Variants in BMP7 observed in about 807,000 individuals in gnomAD.
BMP7 encodes the protein osteogenic protein 1.
BMP7 carries 12 observed loss-of-function variants against 41.2 expected under a neutral mutation model. That is an observed-to-expected ratio of 0.29 (90% CI 0.19 to 0.47). The LOEUF (loss-of-function observed/expected upper bound fraction) is 0.47. BMP7 is among the 20% of genes least tolerant of loss of function. The pLI, the probability that BMP7 is intolerant of heterozygous loss-of-function variation, is 0.99. For missense variants in BMP7, 467 were observed against 606.0 expected, an observed-to-expected ratio of 0.77 and a Z score of 2.41; for synonymous variants, 248 against 250.0, an observed-to-expected ratio of 0.99 and a Z score of 0.07.
intron 2 of BMP7, among the ~76,000 whole-genome samples, chr20:57,221,860 C>T (rs1440569503): frequency 2.0e-5 from 3 of 150,324 alleles, no homozygotes; most frequent in Non-Finnish European, 3.0e-5. Context: ...ATAAGGGTGT[C>T]TCCATGGGGG....
intron 1 of BMP7, among the ~76,000 whole-genome samples, chr20:57,235,170 T>C (rs1386693888): frequency 6.6e-6 from 1 of 152,260 alleles, no homozygotes; most frequent in Non-Finnish European, 1.5e-5. Context: ...GCCTCACTCA[T>C]GTGGTTCTGT....
rs1983792868 is a variant in BMP7, at chr20:57,170,615, C to T, written c.*344G>A. 1 of 351,640 alleles carries T rather than the reference C, an allele frequency of 2.8e-6. No homozygotes were observed. Among genetic ancestry groups the T allele is most frequent in the South Asian group, 2.4e-5 (1 of 42,260 alleles). The allele number at this position is 351,640 out of a possible 1,614,324, so 21.8% of individuals were successfully genotyped here. ...CCCCCTTCCTCCCACGGCTGGGTGGCCTGGCTGGTAGGCGCTCATAATTAC... is the reference window on the plus strand; with the variant it reads ...CCCCCTTCCTCCCACGGCTGGGTGGTCTGGCTGGTAGGCGCTCATAATTAC... On this transcript the variant is annotated 3_prime_UTR_variant, in exon 7 of 7. Coordinates refer to ENST00000395863, the MANE Select transcript of BMP7 (RefSeq NM_001719.3).
Position 57,183,992 on chromosome 20 carries a change from T to A in BMP7, c.761-73A>T, listed in dbSNP as rs6025429. 5,964 of 1,526,000 alleles carry A rather than the reference T, an allele frequency of 3.9e-3. 177 individuals are homozygous for A. In the African/African-American group the frequency reaches 0.069, roughly 18 times the overall value. 94.5% of individuals were successfully genotyped at this position (1,526,000 alleles called of 1,614,324 possible). A position where few individuals can be genotyped will look rare whatever the true frequency, so the allele number is the denominator to read the frequency against. On this transcript the variant is annotated intron_variant, in intron 3 of 6. Transcript: ENST00000395863. ...CACGAGCGGGACAGGGCTGCAGAGA[T>A]GCTATGCCTCCCGGTTCATTCATGA...
intron 2 of BMP7, among the ~76,000 whole-genome samples, chr20:57,209,243 A>G (rs1042649500): frequency 1.2e-5 from 1 of 80,202 alleles, no homozygotes; most frequent in Non-Finnish European, 2.5e-5. Flanking sequence ...CTAGATTTAT[A>G]TATTTTTATA....
chr20:57,175,043 T>C lies in BMP7; in HGVS notation c.959-36A>G, dbSNP rs113547893. On this transcript the variant is annotated intron_variant, in intron 4 of 6. Transcript: ENST00000395863. ...AAGGAAGTGAAGAAGCAGAGCCCAG[T>C]GAGGAGAAAGAAACACACACACATC... 1.9e-6 allele frequency: 3 copies of C among 1,589,704 alleles called. No individual in the cohort carries two copies. The Admixed American group carries it at 5.1e-5, about 27-fold the overall frequency.
At position 57,228,216 on chromosome 20, in the gene BMP7, G is replaced by C; in HGVS notation, c.611+13C>G. 6.2e-7 allele frequency: 1 copy of C among 1,612,432 alleles called. No individual in the cohort carries two copies. The highest frequency in any genetic ancestry group is 8.5e-7 in the Non-Finnish European group (1 of 1,179,650). On this transcript the variant is annotated intron_variant, in intron 2 of 6. Coordinates refer to ENST00000395863, the MANE Select transcript of BMP7 (RefSeq NM_001719.3). This position sits in a 1 kb window ranked among gnomAD's most constrained non-coding sequence, Gnocchi z 4.5. The stretch of plus-strand genomic sequence containing the variant: ...AACTCAGCACCTCTCCCAGATACCC[G>C]TATAGCACCCACCTGCCCAAGTGCT...
At chr20:57,201,181 A>G (rs1387044761) in intron 3 of BMP7, among the ~76,000 whole-genome samples, 1 of 152,250 alleles carries the variant, frequency 6.6e-6, no homozygotes, top group East Asian at 1.9e-4. Flanking sequence ...ACATTAAGGC[A>G]CTATTTTTAA....
At chr20:57,197,170 G>A (rs1329864879) in intron 3 of BMP7, among the ~76,000 whole-genome samples, 1 of 151,954 alleles carries the variant, frequency 6.6e-6, no homozygotes, top group Non-Finnish European at 1.5e-5. Flanking sequence ...AAAGTGTTGG[G>A]ATTATAGGCA....
intron 4 of BMP7, among the ~76,000 whole-genome samples, chr20:57,180,611 C>T (rs1023280324): frequency 7.9e-5 from 12 of 152,104 alleles, no homozygotes; most frequent in East Asian, 3.9e-4. Flanking sequence ...TGTGGGTGTT[C>T]GACATTGAAT....
intron 2 of BMP7, among the ~76,000 whole-genome samples, chr20:57,216,067 T>C (rs570199591): frequency 1.3e-5 from 2 of 152,168 alleles, no homozygotes; most frequent in East Asian, 3.9e-4. Context: ...AGAGGCTGGG[T>C]TGGAACATCT....
chr20:57,178,439 A>C (rs953708746), intron 4 of BMP7, among the ~76,000 whole-genome samples: 3 of 151,830 alleles, frequency 2.0e-5, no homozygotes, highest in African/African-American at 7.3e-5. Flanking sequence ...CCTGGTCCCC[A>C]CCCTCCGTGG....
chr20:57,250,385 G>A (rs948961497), intron 1 of BMP7, among the ~76,000 whole-genome samples: 3 of 146,416 alleles, frequency 2.0e-5, no homozygotes, highest in Non-Finnish European at 4.5e-5. Context: ...CAAAAAATTA[G>A]CCAGGCATGG....
Position 57,173,183 on chromosome 20 carries a change from G to C in BMP7, c.1146+17C>G, listed in dbSNP as rs769953359. 6.2e-7 allele frequency: 1 copy of C among 1,611,330 alleles called. No homozygotes were observed. The highest frequency in any genetic ancestry group is 1.3e-5 in the African/African-American group (1 of 74,870). On this transcript the variant is annotated intron_variant, in intron 6 of 6. Coordinates refer to ENST00000395863, the MANE Select transcript of BMP7 (RefSeq NM_001719.3). ...CCCGGCCCAGGTGACCACACCCCAAGATGGCGTGACACCCACCAGCGTCTG... is the reference window on the plus strand; with the variant it reads ...CCCGGCCCAGGTGACCACACCCCAACATGGCGTGACACCCACCAGCGTCTG...
At position 57,198,869 on chromosome 20, in the gene BMP7, A is replaced by G. The variant is rs558347267; in HGVS notation, c.760+3606T>C. 4.6e-5 allele frequency among the ~76,000 whole-genome samples: 7 copies of G among 152,280 alleles called. No homozygotes were observed. In the East Asian group the frequency reaches 1.4e-3, roughly 29 times the overall value. On this transcript the variant is annotated intron_variant, in intron 3 of 6. Coordinates refer to ENST00000395863, the MANE Select transcript of BMP7 (RefSeq NM_001719.3). ...GCTGGCCCAAATTACTATCCTCCACATGCCCATTGTGTGCATGAGAAAAGC... is the reference window on the plus strand; with the variant it reads ...GCTGGCCCAAATTACTATCCTCCACGTGCCCATTGTGTGCATGAGAAAAGC...
chr20:57,246,039 C>T lies in BMP7; in HGVS notation c.419-17618G>A, dbSNP rs545861774. Reference sequence around the variant, plus strand: ...TATTAGAAAACAGGACAATAGTTACCGCTGGGTACAAGTACGAGGGGGTTC... The same window carrying T: ...TATTAGAAAACAGGACAATAGTTACTGCTGGGTACAAGTACGAGGGGGTTC... On this transcript the variant is annotated intron_variant, in intron 1 of 6. Coordinates refer to ENST00000395863, the MANE Select transcript of BMP7 (RefSeq NM_001719.3). Among the ~76,000 whole-genome samples, 14 of 152,196 alleles carry T rather than the reference C, an allele frequency of 9.2e-5. No individual in the cohort carries two copies. The East Asian group carries it at 1.2e-3, about 13-fold the overall frequency.
chr20:57,173,776 C>T (rs1983863548), intron 5 of BMP7, among the ~76,000 whole-genome samples: 2 of 152,266 alleles, frequency 1.3e-5, no homozygotes, highest in Admixed American at 1.3e-4. Flanking sequence ...CAGCTCTACC[C>T]CCACTAGGTG....
rs946029415 is a variant in BMP7, at chr20:57,236,028, C to G, written c.419-7607G>C. Among the ~76,000 whole-genome samples the G allele has an allele frequency of 2.6e-5, 4 of 152,290 alleles. No individual in the cohort carries two copies. In the South Asian group the frequency reaches 8.3e-4, roughly 32 times the overall value. On this transcript the variant is annotated intron_variant, in intron 1 of 6. Coordinates refer to ENST00000395863, the MANE Select transcript of BMP7 (RefSeq NM_001719.3). ...CATACCCAGTACATGCACCCTCCTCCTCCCTCCTGGCACCCGAGGTAGGCA... is the reference window on the plus strand; with the variant it reads ...CATACCCAGTACATGCACCCTCCTCGTCCCTCCTGGCACCCGAGGTAGGCA...
chr20:57,212,664 A>G (rs1227062700), intron 2 of BMP7, among the ~76,000 whole-genome samples: 4 of 152,242 alleles, frequency 2.6e-5, no homozygotes, highest in Non-Finnish European at 5.9e-5. Context: ...GATGTCATGG[A>G]GGGAGCACAG....
At chr20:57,205,036 G>A (rs898472451) in intron 2 of BMP7, among the ~76,000 whole-genome samples, 2 of 152,162 alleles carry the variant, frequency 1.3e-5, no homozygotes, top group African/African-American at 4.8e-5. Context: ...CGGCAACGAG[G>A]TGTCATCTTG....
Sources: gnomAD v4.1 joint callset for allele counts (sites outside exome capture counted in the v4.1 genomes callset) on GRCh38, gnomAD v4.1.1 for gene constraint, Gnocchi (gnomAD v3.1) non-coding constraint, MANE v1.5 for transcripts, NCBI Gene and HGNC (gene_info 2026-07-23, HGNC 2026-07-21) for gene names.